The following MECOM variants were observed in gnomAD, a reference collection of about 807,000 sequenced individuals.
MECOM encodes the protein MDS1 and EVI1 complex locus.
Under a neutral mutation model 116.3 loss-of-function variants are expected in MECOM, and 13 were observed. That is an observed-to-expected ratio of 0.11 (90% confidence interval 0.07 to 0.18). The LOEUF is 0.18. Among genes scored for constraint, MECOM ranks in the 10% least tolerant of loss-of-function variants. The probability of loss-of-function intolerance (pLI) is 1.00; values close to 1 mark genes in which losing one functional copy is unlikely to be tolerated. For synonymous variants in MECOM, 528 were observed against 535.2 expected (o/e 0.99, Z 0.19); for missense variants, 1,299 against 1,509.0 (o/e 0.86, Z 2.31).
At chr3:169,097,209 TCTAA>T (rs917487466) in intron 12 of MECOM, among the ~76,000 whole-genome samples, 7 of 152,174 alleles carry the variant, frequency 4.6e-5, no homozygotes, top group Non-Finnish European at 7.3e-5. Context: ...CTGCCATGCT[TCTAA>T]CTTTCTGCTT....
chr3:169,339,015 T>C (rs1724042066), intron 2 of MECOM, among the ~76,000 whole-genome samples: 1 of 152,172 alleles, frequency 6.6e-6, no homozygotes, highest in Non-Finnish European at 1.5e-5. Context: ...TTTCCAATGA[T>C]TTCCAGAAAA....
At chr3:169,573,896 A>AT (rs1764205121) in intron 1 of MECOM, among the ~76,000 whole-genome samples, 1 of 152,186 alleles carries the variant, frequency 6.6e-6, no homozygotes, top group Admixed American at 6.5e-5. Flanking sequence ...CATGTTCTGC[A>AT]TTTTTTTAAC....
chr3:169,403,511 C>A (rs1477198343), intron 1 of MECOM, among the ~76,000 whole-genome samples: 2 of 152,256 alleles, frequency 1.3e-5, no homozygotes, highest in Admixed American at 1.3e-4. Context: ...GCACACAAAG[C>A]AAATCCTGTC....
chr3:169,413,869 G>A (rs1308727336), intron 1 of MECOM, among the ~76,000 whole-genome samples: 1 of 152,194 alleles, frequency 6.6e-6, no homozygotes, highest in Admixed American at 6.5e-5. Context: ...ATCTCTGAAA[G>A]AAAGGCAGCA....
At chr3:169,617,214 A>G (rs1770120071) in intron 1 of MECOM, among the ~76,000 whole-genome samples, 1 of 152,208 alleles carries the variant, frequency 6.6e-6, no homozygotes, top group Admixed American at 6.5e-5. Flanking sequence ...CCCCTAACAG[A>G]GGTAGGACCA....
chr3:169,447,039 G>T (rs969327879), intron 1 of MECOM, among the ~76,000 whole-genome samples: 9 of 152,194 alleles, frequency 5.9e-5, no homozygotes, highest in Non-Finnish European at 1.3e-4. Flanking sequence ...TATGAAAAGG[G>T]ATCCTCATTG....
At chr3:169,347,043 A>C (rs987536722) in intron 2 of MECOM, among the ~76,000 whole-genome samples, 4 of 152,116 alleles carry the variant, frequency 2.6e-5, no homozygotes, top group African/African-American at 4.8e-5. Flanking sequence ...ATAAAGAATG[A>C]GGAGGTTCTC....
chr3:169,284,897 C>A (rs1560087793), intron 2 of MECOM, among the ~76,000 whole-genome samples: 1 of 152,106 alleles, frequency 6.6e-6, no homozygotes, highest in Non-Finnish European at 1.5e-5. Flanking sequence ...ATGGACATTG[C>A]AGTCCTCCTC....
chr3:169,315,176 A>G (rs984427394), intron 2 of MECOM, among the ~76,000 whole-genome samples: 5 of 152,178 alleles, frequency 3.3e-5, no homozygotes, highest in Non-Finnish European at 7.3e-5. Context: ...GCCAGCTGAC[A>G]GGGCTTTCCC....
Position 169,378,583 on chromosome 3 carries a change from A to T in MECOM, c.375+2604T>A, listed in dbSNP as rs200697736. On this transcript the variant is annotated intron_variant, in intron 2 of 16. Transcript: ENST00000651503. ...GAAAGAAAGAAAGAAAGAAAGAAAG[A>T]AAGTAAGTAAGTAAGTTTGGGGACT... is the stretch of plus-strand genomic sequence containing the variant. Among the ~76,000 whole-genome samples, 543 of 63,878 alleles carry T rather than the reference A, an allele frequency of 8.5e-3. 21 individuals carry two copies. Among genetic ancestry groups the T allele is most frequent in the Non-Finnish European group, 0.013 (367 of 28,726 alleles). The allele number at this position is 63,878 out of a possible 152,430, so 41.9% of individuals were successfully genotyped here.
chr3:169,127,808 T>A (rs568297635), intron 5 of MECOM, 36 bp downstream of exon 5: 1 of 1,582,000 alleles, frequency 6.3e-7, no homozygotes, highest in South Asian at 1.1e-5. Flanking sequence ...GCAGAAAAAA[T>A]ACACAAGTTG....
intron 1 of MECOM, among the ~76,000 whole-genome samples, chr3:169,600,418 A>G (rs532786057): frequency 6.6e-6 from 1 of 152,362 alleles, no homozygotes; most frequent in South Asian, 2.1e-4. Context: ...GTTTAAATAT[A>G]TAATAGGAAG....
chr3:169,134,359 G>A (rs985545148), intron 3 of MECOM, among the ~76,000 whole-genome samples: 1 of 152,128 alleles, frequency 6.6e-6, no homozygotes, highest in East Asian at 1.9e-4. Context: ...TAAAAGACAC[G>A]GAAGAGTGTT....
At position 169,467,642 on chromosome 3, in the gene MECOM, C is replaced by T. The variant is rs150681100; in HGVS notation, c.38-86118G>A. On this transcript the variant is annotated intron_variant, in intron 1 of 16. Transcript: ENST00000651503. The stretch of plus-strand genomic sequence containing the variant: ...CCTTCAAATAGCTAACAATTGAATG[C>T]CTCAGCTGTTTGTAGTCTCCTACCG... Among the ~76,000 whole-genome samples, 249 of 152,276 alleles carry T rather than the reference C, an allele frequency of 1.6e-3. 2 individuals carry two copies. Among genetic ancestry groups the T allele is most frequent in the African/African-American group, 5.7e-3 (238 of 41,558 alleles).
chr3:169,561,647 G>A (rs562903057), intron 1 of MECOM, among the ~76,000 whole-genome samples: 1 of 152,150 alleles, frequency 6.6e-6, no homozygotes, highest in Admixed American at 6.5e-5. Flanking sequence ...AAAACAAATG[G>A]GATTCGGGGT....
At chr3:169,243,160 G>T (rs988275983) in intron 2 of MECOM, among the ~76,000 whole-genome samples, 1 of 152,070 alleles carries the variant, frequency 6.6e-6, no homozygotes, top group Non-Finnish European at 1.5e-5. Context: ...TCTTCTTTTT[G>T]AATAATGGCA....
chr3:169,539,988 A>AT (rs1759875019), intron 1 of MECOM, among the ~76,000 whole-genome samples: 1 of 152,192 alleles, frequency 6.6e-6, no homozygotes. Context: ...TTTTTGCTTC[A>AT]TGGCTGAATC....
intron 2 of MECOM, among the ~76,000 whole-genome samples, chr3:169,264,734 C>CTA (rs1266528950): frequency 1.3e-5 from 2 of 152,202 alleles, no homozygotes; most frequent in African/African-American, 4.8e-5. Context: ...TTACCACATA[C>CTA]TATACTGTCT....
chr3:169,116,122 C>A lies in MECOM; in HGVS notation c.1750G>T (p.Asp584Tyr), dbSNP rs773145922. The A allele has an allele frequency of 6.2e-7, 1 of 1,614,168 alleles. No homozygotes were observed. Among genetic ancestry groups the A allele is most frequent in the Admixed American group, 1.7e-5 (1 of 60,028 alleles). The change falls in exon 8 of 17, where the codon GAT (aspartate) becomes TAT (tyrosine). Residue 584 changes from aspartate to tyrosine, a missense_variant. Physicochemically the swap from Asp to Tyr is radical, Grantham distance 160 (BLOSUM62 -3). This residue lies in a region of MECOM where 238 missense variants were observed against 273.1 expected (regional missense o/e 0.87). Transcript: ENST00000651503. ...SDQSESSDLD[D>Y]VSTPSGSDLE... Reference sequence around the variant, plus strand: ...TCACTGCCACTTGGTGTACTGACATCATCAAGGTCACTACTCTCTGACTGG... The same window carrying A: ...TCACTGCCACTTGGTGTACTGACATAATCAAGGTCACTACTCTCTGACTGG...
Sources: gnomAD v4.1 joint callset for allele counts (sites outside exome capture counted in the v4.1 genomes callset) on GRCh38, gnomAD v4.1.1 for gene constraint, gnomAD v4.1.1 regional missense constraint, MANE v1.5 for transcripts, NCBI Gene and HGNC (gene_info 2026-07-23, HGNC 2026-07-21) for gene names.